The following SFSWAP variants were observed in gnomAD, a reference collection of about 807,000 sequenced individuals.
SFSWAP encodes the protein splicing factor, suppressor of white-apricot homolog.
Under a neutral mutation model 100.7 loss-of-function variants are expected in SFSWAP, and 17 were observed. The ratio of observed to expected loss-of-function variants is 0.17; its 90% CI spans 0.12 to 0.25. The LOEUF is 0.25. SFSWAP is among the 10% of genes least tolerant of loss of function. The pLI, the probability that SFSWAP is intolerant of heterozygous loss-of-function variation, is 1.00. For synonymous variants in SFSWAP, 504 were observed against 510.1 expected, an observed-to-expected ratio of 0.99 and a Z score of 0.16; for missense variants, 1,005 against 1,262.6, an observed-to-expected ratio of 0.80 and a Z score of 3.09.
At chr12:131,724,815 G>A (rs908952665) in intron 4 of SFSWAP, among the ~76,000 whole-genome samples, 10 of 152,232 alleles carry the variant, frequency 6.6e-5, no homozygotes, top group African/African-American at 2.4e-4. Flanking sequence ...TTCAGCTTGG[G>A]ATACTGCTTT....
At chr12:131,761,012 C>G (rs1356587826) in intron 11 of SFSWAP, among the ~76,000 whole-genome samples, 3 of 152,154 alleles carry the variant, frequency 2.0e-5, no homozygotes, top group Non-Finnish European at 2.9e-5. Flanking sequence ...GTGGAAGTTG[C>G]AGTGAGCCTA....
At chr12:131,793,090 GTCTT>G (rs1186320639) in intron 15 of SFSWAP, among the ~76,000 whole-genome samples, 1 of 151,912 alleles carries the variant, frequency 6.6e-6, no homozygotes, top group Non-Finnish European at 1.5e-5. Context: ...AGAAAGGAAA[GTCTT>G]TTTTTTTTTT....
rs752308024 is a variant in SFSWAP, at chr12:131,711,426, A to C, written c.197A>C (p.Asp66Ala). The change falls in exon 1 of 18, where the codon GAC (aspartate) becomes GCC (alanine). Residue 66 changes from aspartate to alanine, a missense_variant. By Grantham distance (126) the Asp-to-Ala change is moderately radical. Transcript: ENST00000261674. This position sits in a 1 kb window ranked among gnomAD's most constrained non-coding sequence, Gnocchi z 4.9. ...QGQHLIPWMGDHKILIDRYDG... is the reference protein window; with the variant it reads ...QGQHLIPWMGAHKILIDRYDG... ...CAGCACCTCATCCCCTGGATGGGGG[A>C]CCACAAGATCCTCATCGACAGGTCG... is the stretch of plus-strand genomic sequence containing the variant. The C allele has an allele frequency of 6.2e-7, 1 of 1,613,150 alleles. No individual in the cohort carries two copies. The highest frequency in any genetic ancestry group is 8.5e-7 in the Non-Finnish European group (1 of 1,179,734).
At chr12:131,762,929 CAT>C (rs1188045668) in intron 11 of SFSWAP, among the ~76,000 whole-genome samples, 2 of 152,192 alleles carry the variant, frequency 1.3e-5, no homozygotes, top group Middle Eastern at 3.4e-3. Flanking sequence ...AAATCTCAAA[CAT>C]GTACGAAAAC....
Position 131,797,248 on chromosome 12 carries a change from G to T in SFSWAP, c.2605G>T (p.Val869Leu). The T allele has an allele frequency of 6.2e-7, 1 of 1,612,700 alleles. No individual in the cohort carries two copies. Residue 869 changes from valine (V) to leucine (L), a missense_variant, in exon 16 of 18, where the codon GTG becomes TTG. Around this residue, in one of 7 missense-constraint regions of SFSWAP, gnomAD observed 295 missense variants for 347.9 expected, o/e 0.85. Coordinates refer to ENST00000261674, the MANE Select transcript of SFSWAP (RefSeq NM_004592.4). ...RTKSKARSQS[V>L]SPSKQAAPRP... The stretch of plus-strand genomic sequence containing the variant: ...CAAGTCCAAGGCCAGGTCTCAGTCG[G>T]TGTCACCCAGCAAGCAGGCAGCGCC...
Position 131,778,136 on chromosome 12 carries a change from C to T in SFSWAP, c.2214C>T (p.Pro738=), listed in dbSNP as rs1370854357. The change falls in exon 14 of 18, where the codon CCC becomes CCT. Residue 738 remains proline, a synonymous_variant. Transcript: ENST00000261674. The surrounding 1 kb of genome is among the most constrained non-coding windows in gnomAD (Gnocchi z 4.2). The part of the protein sequence containing the change: ...RPLPTLEVKP[P]DRPSSKSKDP... ...TGCCTACTTTAGAAGTTAAACCACC[C>T]GATAGGCCTTCGAGCAAAAGCAAAG... 1.9e-6 allele frequency: 3 copies of T among 1,613,430 alleles called. No individual in the cohort carries two copies. The highest frequency in any genetic ancestry group is 2.2e-5 in the South Asian group (2 of 90,986).
intron 7 of SFSWAP, among the ~76,000 whole-genome samples, chr12:131,743,011 A>G (rs994285315): frequency 1.3e-5 from 2 of 152,206 alleles, no homozygotes; most frequent in Admixed American, 6.5e-5. Context: ...CAGATCTCAT[A>G]AGACTCATTC....
intron 16 of SFSWAP, 132 bp from the exon 17 acceptor site, chr12:131,798,905 G>T: frequency 3.2e-6 from 2 of 622,754 alleles, no homozygotes; most frequent in Non-Finnish European, 5.8e-6. Flanking sequence ...AAAAAAAAAA[G>T]ATACTGGAAG....
chr12:131,737,422 T>C (rs1458582698), intron 7 of SFSWAP, among the ~76,000 whole-genome samples: 1 of 152,250 alleles, frequency 6.6e-6, no homozygotes, highest in Non-Finnish European at 1.5e-5. Flanking sequence ...GCGTGACTCG[T>C]CACCCTCTCA....
At chr12:131,790,705 T>C (rs571319624) in intron 15 of SFSWAP, among the ~76,000 whole-genome samples, 1 of 152,348 alleles carries the variant, frequency 6.6e-6, no homozygotes, top group Admixed American at 6.5e-5. Context: ...TTACAAGTTT[T>C]TCCCATTGAG....
chr12:131,772,603 C>A (rs904727052), intron 13 of SFSWAP, among the ~76,000 whole-genome samples: 2 of 152,140 alleles, frequency 1.3e-5, no homozygotes, highest in Non-Finnish European at 2.9e-5. Flanking sequence ...TCCTCTCTGG[C>A]GGGAGCAGGC....
At position 131,711,626 on chromosome 12, in the gene SFSWAP, C is replaced by T; in HGVS notation, c.218+179C>T. 1 of 607,614 alleles carries T rather than the reference C, an allele frequency of 1.6e-6. No individual in the cohort carries two copies. The highest frequency in any genetic ancestry group is 2.9e-6 in the Non-Finnish European group (1 of 344,036). 37.6% of individuals were successfully genotyped at this position (607,614 alleles called of 1,614,324 possible). ...TCTGGTGGGGAGGGGGACGGTGAAA[C>T]CTGCCCTAAGGCACTGGCTGGAATT... is the stretch of plus-strand genomic sequence containing the variant. On this transcript the variant is annotated intron_variant, in intron 1 of 17. Coordinates refer to ENST00000261674, the MANE Select transcript of SFSWAP (RefSeq NM_004592.4). The surrounding 1 kb of genome is among the most constrained non-coding windows in gnomAD (Gnocchi z 4.9).
At chr12:131,754,261 C>G in intron 8 of SFSWAP, 107 bp from the exon 9 acceptor site, 1 of 804,270 alleles carries the variant, frequency 1.2e-6, no homozygotes, top group Non-Finnish European at 1.8e-6. Context: ...CTGTTTATAA[C>G]TCACATGTCT....
In SFSWAP at chr12:131,714,108, T is replaced by G; in HGVS notation, c.256T>G (p.Tyr86Asp). The change falls in exon 2 of 18, where the codon TAC becomes GAC. Residue 86 changes from tyrosine (Y) to aspartate (D), a missense_variant. By Grantham distance (160) the Tyr-to-Asp change is radical. Coordinates refer to ENST00000261674, the MANE Select transcript of SFSWAP (RefSeq NM_004592.4). This position sits in a 1 kb window ranked among gnomAD's most constrained non-coding sequence, Gnocchi z 6.0. ...GRGHLHDLSE[Y>D]DAEYSTWNRD... is the part of the protein sequence containing the mutation. ...TGGTCACCTGCATGACCTTTCTGAGTACGATGCTGAGTATTCCACGTGGAA... is the reference window on the plus strand; with the variant it reads ...TGGTCACCTGCATGACCTTTCTGAGGACGATGCTGAGTATTCCACGTGGAA... The G allele has an allele frequency of 6.2e-7, 1 of 1,613,922 alleles. No individual in the cohort carries two copies. The highest frequency in any genetic ancestry group is 8.5e-7 in the Non-Finnish European group (1 of 1,179,960).
chr12:131,779,612 G>A (rs1452917007), intron 14 of SFSWAP, among the ~76,000 whole-genome samples: 2 of 147,150 alleles, frequency 1.4e-5, no homozygotes, highest in South Asian at 2.3e-4. Flanking sequence ...ACGCCGCACT[G>A]ACTGTGCTCA....
chr12:131,753,167 G>A lies in SFSWAP; in HGVS notation c.1126G>A (p.Gly376Ser), dbSNP rs1201775849. The A allele has an allele frequency of 6.8e-6, 11 of 1,613,996 alleles. No homozygotes were observed. Among genetic ancestry groups the A allele is most frequent in the Middle Eastern group, 1.6e-4 (1 of 6,084 alleles). Reference protein sequence around the residue: ...MYYSYYMLPDGTYCLAPPPPG... With the variant: ...MYYSYYMLPDSTYCLAPPPPG... ...TTACAGCTACTACATGCTACCGGAC[G>A]GCACTTACTGCCTGGCGCCGCCCCC... Residue 376 changes from glycine (G) to serine (S), a missense_variant, in exon 8 of 18, where the codon GGC (glycine) becomes AGC (serine). Physicochemically the swap from Gly to Ser is moderately conservative, Grantham distance 56. Coordinates refer to ENST00000261674, the MANE Select transcript of SFSWAP (RefSeq NM_004592.4).
chr12:131,753,446 C>T (rs2136223798), intron 8 of SFSWAP, 83 bp downstream of exon 8: 1 of 1,489,024 alleles, frequency 6.7e-7, no homozygotes, highest in East Asian at 2.5e-5. Context: ...CCATGGGGGG[C>T]TTGTAATCTA....
intron 3 of SFSWAP, among the ~76,000 whole-genome samples, chr12:131,715,598 G>A (rs894151679): frequency 1.1e-4 from 16 of 152,332 alleles, no homozygotes; most frequent in East Asian, 3.9e-4. Flanking sequence ...TTCACTAAGC[G>A]TCGAGAGCTC....
chr12:131,739,925 C>A (rs909534539), intron 7 of SFSWAP, among the ~76,000 whole-genome samples: 6 of 152,124 alleles, frequency 3.9e-5, no homozygotes, highest in African/African-American at 1.4e-4. Flanking sequence ...TTATTCGATT[C>A]ATCTTTTCTT....
Sources: allele counts gnomAD v4.1 joint callset (sites outside exome capture counted in the v4.1 genomes callset), GRCh38; gene constraint gnomAD v4.1.1; regional missense constraint gnomAD v4.1.1; non-coding constraint Gnocchi (gnomAD v3.1); transcripts MANE v1.5; gene names NCBI Gene and HGNC (gene_info 2026-07-23, HGNC 2026-07-21).